Variants in CNOT1 observed in about 807,000 individuals in gnomAD.
CNOT1 encodes the protein CCR4-NOT transcription complex subunit 1, also known as CCR4-associated factor 1.
In CNOT1, 15 loss-of-function variants were observed where a neutral mutation model predicts 273.8. The ratio of observed to expected loss-of-function variants is 0.05; its 90% CI spans 0.04 to 0.08. CNOT1 has a LOEUF of 0.08. CNOT1 is among the 10% of genes least tolerant of loss of function. CNOT1 has a pLI of 1.00. For synonymous variants in CNOT1, 1,022 were observed against 1,005.5 expected (o/e 1.02, Z -0.31); for missense variants, 1,644 against 2,912.2 (o/e 0.56, Z 10.02).
intron 1 of CNOT1, among the ~76,000 whole-genome samples, chr16:58,608,182 A>T (rs1267878063): frequency 1.3e-5 from 2 of 151,394 alleles, no homozygotes; most frequent in African/African-American, 4.9e-5. Context: ...GTCTCAATTT[A>T]AAAAAAAAGA....
intron 10 of CNOT1, 145 bp from the exon 11 acceptor site, chr16:58,581,660 T>G: frequency 7.6e-7 from 1 of 1,312,152 alleles, no homozygotes. Context: ...CCCATTCTTT[T>G]TTTTTCTTTT....
In CNOT1 at chr16:58,545,462, T is replaced by C; in HGVS notation, c.4036A>G (p.Thr1346Ala). ...TGTGGTGGAACCGTGGCTGTACAAG[T>C]GGTGTTGGTAGCTGGTGTAGTAGAA... ...TTSTTPATNT[T>A]CTATVPPQPQ... Residue 1346 changes from threonine to alanine, a missense_variant, in exon 30 of 49, where the codon ACT becomes GCT. Transcript: ENST00000317147. The C allele has an allele frequency of 6.2e-7, 1 of 1,614,060 alleles. No individual in the cohort carries two copies. Among genetic ancestry groups the C allele is most frequent in the Non-Finnish European group, 8.5e-7 (1 of 1,179,956 alleles).
At chr16:58,595,035 AC>A (rs1364253026) in intron 2 of CNOT1, among the ~76,000 whole-genome samples, 1 of 150,920 alleles carries the variant, frequency 6.6e-6, no homozygotes, top group Admixed American at 6.6e-5. Context: ...AACTGCTTGA[AC>A]CCGGGAGGCG....
intron 4 of CNOT1, among the ~76,000 whole-genome samples, 156 bp downstream of exon 4, chr16:58,587,624 T>C (rs2041918217): frequency 6.6e-6 from 1 of 152,222 alleles, no homozygotes; most frequent in South Asian, 2.1e-4. Context: ...TATTATTAAA[T>C]GAACTGCCTT....
chr16:58,620,305 C>A (rs370988101), intron 1 of CNOT1, among the ~76,000 whole-genome samples: 149 of 152,132 alleles, frequency 9.8e-4, no homozygotes, highest in African/African-American at 3.5e-3. Context: ...TGAGTTTGGA[C>A]TAGAATGATA....
chr16:58,569,413 T>A (rs1244571031), intron 16 of CNOT1, among the ~76,000 whole-genome samples: 2 of 151,738 alleles, frequency 1.3e-5, no homozygotes, highest in African/African-American at 4.8e-5. Context: ...GCTGAAGCCA[T>A]GACACCCAGC....
intron 2 of CNOT1, chr16:58,597,576 C>G (rs1157309705): frequency 6.3e-6 from 2 of 317,882 alleles, no homozygotes; most frequent in African/African-American, 4.4e-5. Context: ...GTAAAGAAAA[C>G]TTTCAGCTAT....
chr16:58,595,262 T>A (rs2042213577), intron 2 of CNOT1, among the ~76,000 whole-genome samples: 1 of 152,028 alleles, frequency 6.6e-6, no homozygotes, highest in Non-Finnish European at 1.5e-5. Context: ...AGTCACAGCA[T>A]TTTGTTCAAG....
chr16:58,558,015 G>GA (rs141824233), intron 18 of CNOT1, among the ~76,000 whole-genome samples: 1 of 151,542 alleles, frequency 6.6e-6, no homozygotes, highest in East Asian at 1.9e-4. Context: ...ACAAACAAAC[G>GA]AAAAAAAACC....
intron 2 of CNOT1, among the ~76,000 whole-genome samples, chr16:58,589,787 G>A (rs906672702): frequency 1.3e-5 from 2 of 152,150 alleles, no homozygotes; most frequent in Admixed American, 1.3e-4. Context: ...TGCTGCCCTT[G>A]AGCTCAGTTT....
rs766793182 is a variant in CNOT1, at chr16:58,582,930, A to T, written c.934-27T>A. On this transcript the variant is annotated intron_variant, in intron 9 of 48. Coordinates refer to ENST00000317147, the MANE Select transcript of CNOT1 (RefSeq NM_016284.5). ...TGTAGAAGTAAAACTTGAATTAAAC[A>T]AACCCAACTACTCCATGTGTTCACT... is the stretch of plus-strand genomic sequence containing the variant. 2.5e-6 allele frequency: 4 copies of T among 1,613,644 alleles called. No individual in the cohort carries two copies. The South Asian group carries it at 4.4e-5, about 18-fold the overall frequency.
At position 58,520,734 on chromosome 16, in the gene CNOT1, T is replaced by G; in HGVS notation, c.*224A>C. 1 of 564,148 alleles carries G rather than the reference T, an allele frequency of 1.8e-6. No homozygotes were observed. Among genetic ancestry groups the G allele is most frequent in the Non-Finnish European group, 3.2e-6 (1 of 315,300 alleles). The allele number at this position is 564,148 out of a possible 1,614,324, so 34.9% of individuals were successfully genotyped here. On this transcript the variant is annotated 3_prime_UTR_variant, in exon 49 of 49. Transcript: ENST00000317147. The stretch of plus-strand genomic sequence containing the variant: ...TATTTACACAAGTTCAAAATGATAT[T>G]CACAGCATCTTCTAAATTTTGGCCA...
rs377094117 is a variant in CNOT1 at position 58,582,880 on chromosome 16, C to A, written c.957G>T (p.Gly319=). Residue 319 remains glycine, a synonymous_variant, in exon 10 of 49, where the codon GGG becomes GGT. Coordinates refer to ENST00000317147, the MANE Select transcript of CNOT1 (RefSeq NM_016284.5). ...TTTTATCTTTCCCATCACTCCAGAT[C>A]CCACTGCCCGGAGCAGAAATACTCT... ...PLQSISAPGS[G]IWSDGKDKSD... is the part of the protein sequence containing the mutation. 42 of 1,610,642 alleles carry A rather than the reference C, an allele frequency of 2.6e-5. No individual in the cohort carries two copies. Among genetic ancestry groups the A allele is most frequent in the Non-Finnish European group, 3.3e-5 (39 of 1,177,018 alleles).
Position 58,543,114 on chromosome 16 carries a change from A to T in CNOT1, c.4434+493T>A, listed in dbSNP as rs1481779687. 9.3e-6 allele frequency: 12 copies of T among 1,289,990 alleles called. No homozygotes were observed. In the East Asian group the frequency reaches 4.8e-4, roughly 51 times the overall value. 79.9% of individuals were successfully genotyped at this position (1,289,990 alleles called of 1,614,324 possible). Reference sequence around the variant, plus strand: ...TCTCATGAAACATTAAAAAAAAGGCAAAAAACAACCAAAAAAAATCATTAA... The same window carrying T: ...TCTCATGAAACATTAAAAAAAAGGCTAAAAACAACCAAAAAAAATCATTAA... On this transcript the variant is annotated intron_variant, in intron 31 of 48. Transcript: ENST00000317147.
chr16:58,587,230 T>C lies in CNOT1; in HGVS notation c.404A>G (p.Asn135Ser). The C allele has an allele frequency of 6.2e-7, 1 of 1,613,744 alleles. No homozygotes were observed. Among genetic ancestry groups the C allele is most frequent in the Non-Finnish European group, 8.5e-7 (1 of 1,179,900 alleles). Residue 135 changes from asparagine (N) to serine (S), a missense_variant, in exon 6 of 49, where the codon AAT becomes AGT. Asn to Ser is a conservative substitution (Grantham distance 46). This residue lies in a region of CNOT1 where 706 missense variants were observed against 1,021.2 expected (regional missense o/e 0.69). Coordinates refer to ENST00000317147, the MANE Select transcript of CNOT1 (RefSeq NM_016284.5). The part of the protein sequence containing the change: ...QEVIFGLALL[N>S]SSSSDLRGFA... ...ACCTCTAAGATCTGAGCTGGAAGAA[T>C]TCAACAGGGCAAGGCCAAAAATTAC...
Position 58,618,368 on chromosome 16 carries a change from G to C in CNOT1, c.-175+11360C>G, listed in dbSNP as rs75980585. Among the ~76,000 whole-genome samples the C allele has an allele frequency of 6.1e-3, 931 of 152,200 alleles. 8 individuals carry two copies. The highest frequency in any genetic ancestry group is 0.021 in the African/African-American group (875 of 41,526). ...GGAGGCTGAAGTGGATGGATCACGA[G>C]GTCAGGAGTTCGAGACCAGCCTGGC... On this transcript the variant is annotated intron_variant, in intron 1 of 48. Transcript: ENST00000317147.
Position 58,581,517 on chromosome 16 carries a change from TA to T in CNOT1, c.1045-3del, listed in dbSNP as rs1567420974. 2 of 1,609,722 alleles carry T rather than the reference TA, an allele frequency of 1.2e-6. No homozygotes were observed. The highest frequency in any genetic ancestry group is 1.1e-5 in the South Asian group (1 of 90,116). Reference sequence around the variant, plus strand: ...TTCCTTGAAATTCAAACTTGGATTCTAAAAAAGACCAAAGCAGTTTAAAATG... The same window carrying T: ...TTCCTTGAAATTCAAACTTGGATTCTAAAAAGACCAAAGCAGTTTAAAATG... On this transcript the variant is annotated splice_polypyrimidine_tract_variant and splice_region_variant and intron_variant, in intron 10 of 48. Transcript: ENST00000317147.
intron 1 of CNOT1, among the ~76,000 whole-genome samples, chr16:58,620,653 T>TAAAAAA (rs200053031): frequency 0.011 from 1,147 of 106,646 alleles, 33 homozygotes; most frequent in African/African-American, 0.036. Context: ...CTGTCTCATT[T>TAAAAAA]AAAAAAAAAA....
intron 47 of CNOT1, among the ~76,000 whole-genome samples, chr16:58,522,352 A>G (rs1034357563): frequency 2.6e-5 from 4 of 151,934 alleles, no homozygotes; most frequent in African/African-American, 9.7e-5. Flanking sequence ...CCTTTCACGT[A>G]CCAACTGTAC....
Sources: gnomAD v4.1 joint callset for allele counts (sites outside exome capture counted in the v4.1 genomes callset) on GRCh38, gnomAD v4.1.1 for gene constraint, gnomAD v4.1.1 regional missense constraint, MANE v1.5 for transcripts, NCBI Gene and HGNC (gene_info 2026-07-23, HGNC 2026-07-21) for gene names.